The following RPS6KA2 variants were observed in gnomAD, a reference collection of about 807,000 sequenced individuals.
RPS6KA2 encodes the protein ribosomal protein S6 kinase A2.
Under a neutral mutation model 91.8 loss-of-function variants are expected in RPS6KA2, and 42 were observed. That is an observed-to-expected ratio of 0.46 (90% CI 0.36 to 0.59). The LOEUF (loss-of-function observed/expected upper bound fraction) is 0.59. Ranked by LOEUF, RPS6KA2 falls within the 20% of genes least tolerant of loss-of-function variation. The probability of loss-of-function intolerance (pLI) is 0.00; values close to 1 mark genes in which losing one functional copy is unlikely to be tolerated. For synonymous variants in RPS6KA2, 414 were observed against 393.6 expected, an observed-to-expected ratio of 1.05 and a Z score of -0.61; for missense variants, 798 against 978.5, an observed-to-expected ratio of 0.82 and a Z score of 2.46.
chr6:166,599,908 T>C (rs1785668543), intron 1 of RPS6KA2, among the ~76,000 whole-genome samples: 1 of 152,182 alleles, frequency 6.6e-6, no homozygotes, highest in African/African-American at 2.4e-5. Context: ...CCCTGAGCCC[T>C]GCCTGATCAC....
At chr6:166,585,255 G>A (rs1785132244) in intron 1 of RPS6KA2, among the ~76,000 whole-genome samples, 1 of 152,226 alleles carries the variant, frequency 6.6e-6, no homozygotes, top group East Asian at 1.9e-4. Flanking sequence ...TCCTCGCTGG[G>A]ATGGACTTTC....
At chr6:166,652,375 T>G (rs1220490796) in intron 2 of RPS6KA2, among the ~76,000 whole-genome samples, 1 of 152,202 alleles carries the variant, frequency 6.6e-6, no homozygotes, top group Middle Eastern at 3.2e-3. Context: ...TGGCTGAAAA[T>G]GCATTGTCTT....
intron 2 of RPS6KA2, among the ~76,000 whole-genome samples, chr6:166,694,943 G>C (rs897217561): frequency 6.6e-6 from 1 of 152,158 alleles, no homozygotes; most frequent in African/African-American, 2.4e-5. Context: ...ACATAAGTCT[G>C]CTTGTAATAT....
intron 10 of RPS6KA2, among the ~76,000 whole-genome samples, chr6:166,474,571 A>C (rs948543024): frequency 3.3e-5 from 5 of 152,082 alleles, no homozygotes; most frequent in Admixed American, 3.3e-4. Flanking sequence ...GAAGATTTGG[A>C]GGTAGGCTTA....
chr6:166,638,413 G>A (rs973934655), intron 2 of RPS6KA2, among the ~76,000 whole-genome samples: 2 of 152,272 alleles, frequency 1.3e-5, no homozygotes, highest in Middle Eastern at 3.4e-3. Flanking sequence ...AAAGACAAGA[G>A]ACTCAAAGTG....
At position 166,747,642 on chromosome 6, in the gene RPS6KA2, C is replaced by A. The variant is rs547594082; in HGVS notation, c.123+110558G>T. 9.2e-5 allele frequency among the ~76,000 whole-genome samples: 14 copies of A among 152,254 alleles called. No homozygotes were observed. The South Asian group carries it at 2.9e-3, about 32-fold the overall frequency. ...AGGCTGGGCAGGGGGAAGGGGGATA[C>A]TGAGTGAGGAAAACAGAGAGGGCGG... On this transcript the variant is annotated intron_variant, in intron 2 of 21. Coordinates refer to the RPS6KA2 transcript ENST00000503859.
intron 5 of RPS6KA2, among the ~76,000 whole-genome samples, chr6:166,507,756 T>C (rs1419177244): frequency 1.4e-5 from 2 of 145,920 alleles, no homozygotes; most frequent in Non-Finnish European, 3.0e-5. Flanking sequence ...ATCACACGCC[T>C]GACATATACA....
At chr6:166,794,380 A>C (rs908244559) in intron 2 of RPS6KA2, among the ~76,000 whole-genome samples, 1 of 152,216 alleles carries the variant, frequency 6.6e-6, no homozygotes, top group Non-Finnish European at 1.5e-5. Flanking sequence ...GATGTGGAGA[A>C]ATAGGAACAC....
intron 1 of RPS6KA2, among the ~76,000 whole-genome samples, chr6:166,580,095 G>A (rs1784959438): frequency 6.6e-6 from 1 of 152,218 alleles, no homozygotes; most frequent in Non-Finnish European, 1.5e-5. Context: ...TGGGCTTTGG[G>A]CCCCCGGGCC....
intron 2 of RPS6KA2, among the ~76,000 whole-genome samples, chr6:166,768,974 G>A (rs1190619642): frequency 6.6e-6 from 1 of 152,188 alleles, no homozygotes; most frequent in East Asian, 1.9e-4. Context: ...GGTCCTGGCA[G>A]AAACAGCCGC....
chr6:166,841,857 C>G (rs1008747884), intron 2 of RPS6KA2, among the ~76,000 whole-genome samples: 2 of 152,158 alleles, frequency 1.3e-5, no homozygotes, highest in African/African-American at 4.8e-5. Flanking sequence ...GATACAAAAT[C>G]ACCCTAAAAT....
chr6:166,647,980 T>G (rs1324598698), intron 2 of RPS6KA2, among the ~76,000 whole-genome samples: 1 of 62,512 alleles, frequency 1.6e-5, no homozygotes, highest in Non-Finnish European at 3.0e-5. Flanking sequence ...ACACACATGC[T>G]CACACACACG....
At chr6:166,550,816 C>T (rs911616830) in intron 1 of RPS6KA2, among the ~76,000 whole-genome samples, 3 of 152,066 alleles carry the variant, frequency 2.0e-5, no homozygotes, top group East Asian at 3.9e-4. Context: ...TCCTGGCTAA[C>T]ACGGTGAAAC....
At chr6:166,728,243 G>A (rs1262587617) in intron 2 of RPS6KA2, among the ~76,000 whole-genome samples, 2 of 152,114 alleles carry the variant, frequency 1.3e-5, no homozygotes, top group East Asian at 1.9e-4. Flanking sequence ...CGAATGGGGC[G>A]GACTGGCCAG....
At chr6:166,447,837 A>T (rs1320827198) in intron 14 of RPS6KA2, among the ~76,000 whole-genome samples, 2 of 152,254 alleles carry the variant, frequency 1.3e-5, no homozygotes, top group Non-Finnish European at 2.9e-5. Context: ...GGTCCTGGTC[A>T]TGATGGCAAC....
chr6:166,710,623 T>C (rs1465256566), intron 2 of RPS6KA2, among the ~76,000 whole-genome samples: 2 of 152,164 alleles, frequency 1.3e-5, no homozygotes, highest in African/African-American at 4.8e-5. Flanking sequence ...GCATGTGTTA[T>C]GCATCCTTCT....
intron 3 of RPS6KA2, among the ~76,000 whole-genome samples, chr6:166,526,542 T>C (rs1338972422): frequency 2.0e-5 from 3 of 152,026 alleles, no homozygotes; most frequent in East Asian, 3.9e-4. Flanking sequence ...TTCGTAGAGA[T>C]GGGGTCTTAA....
intron 1 of RPS6KA2, among the ~76,000 whole-genome samples, chr6:166,552,525 A>G (rs1042229476): frequency 1.3e-4 from 19 of 151,836 alleles, no homozygotes; most frequent in African/African-American, 4.3e-4. Flanking sequence ...AAATTGTATT[A>G]TAAAAGTTTT....
chr6:166,428,195 C>T (rs1268765446), intron 16 of RPS6KA2, among the ~76,000 whole-genome samples: 1 of 151,804 alleles, frequency 6.6e-6, no homozygotes, highest in East Asian at 1.9e-4. Context: ...GAAAAACAAG[C>T]AATGGGGAAA....
Sources: gnomAD v4.1 joint callset for allele counts (sites outside exome capture counted in the v4.1 genomes callset) on GRCh38, gnomAD v4.1.1 for gene constraint, MANE v1.5 for transcripts, NCBI Gene and HGNC (gene_info 2026-07-23, HGNC 2026-07-21) for gene names.